RTRAF: variants seen among roughly 807,000 people sequenced by gnomAD.
RTRAF encodes the protein RNA transcription, translation and transport factor.
RTRAF carries 14 observed loss-of-function variants against 34.4 expected under a neutral mutation model. The ratio of observed to expected loss-of-function variants is 0.41; its 90% CI spans 0.27 to 0.64. The LOEUF is 0.64. RTRAF is among the 30% of genes least tolerant of loss of function. The pLI, the probability that RTRAF is intolerant of heterozygous loss-of-function variation, is 0.34. For missense variants in RTRAF, 291 were observed against 288.4 expected (o/e 1.01, Z -0.06); for synonymous variants, 96 against 95.3 (o/e 1.01, Z -0.04).
rs1397554954 is a variant in RTRAF at position 52,004,594 on chromosome 14, T to TGTCA, written c.*79_*82dup. 7.1e-7 allele frequency: 1 copy of TGTCA among 1,405,420 alleles called. No homozygotes were observed. Among genetic ancestry groups the TGTCA allele is most frequent in the African/African-American group, 1.5e-5 (1 of 68,410 alleles). 87.1% of individuals were successfully genotyped at this position (1,405,420 alleles called of 1,614,324 possible). A position where few individuals can be genotyped will look rare whatever the true frequency, so the allele number is the denominator to read the frequency against. On this transcript the variant is annotated 3_prime_UTR_variant, in exon 8 of 8. Transcript: ENST00000261700. ...CTTCTGGCATGTTTGGAAATCAAAA[T>TGTCA]GTCACATTCTCGGGGGAGGAAGCCC...
chr14:52,002,578 A>G (rs1207647999), intron 6 of RTRAF, among the ~76,000 whole-genome samples: 2 of 152,216 alleles, frequency 1.3e-5, no homozygotes, highest in Non-Finnish European at 2.9e-5. Context: ...CCTTCCCCTT[A>G]AAGAGAAAAT....
At chr14:51,999,674 T>TTG (rs1328193153) in intron 4 of RTRAF, 34 bp from the exon 5 acceptor site, 1 of 1,399,356 alleles carries the variant, frequency 7.1e-7, no homozygotes, top group Non-Finnish European at 1.0e-6. Flanking sequence ...GTTTGCAGGG[T>TTG]TGTAAGTTTT....
chr14:51,995,072 G>T (rs1354341312), intron 3 of RTRAF, among the ~76,000 whole-genome samples: 1 of 151,728 alleles, frequency 6.6e-6, no homozygotes, highest in African/African-American at 2.4e-5. Context: ...TTTCCATTTT[G>T]CTTCTATGTC....
At chr14:52,003,589 G>C (rs1301226816) in intron 6 of RTRAF, among the ~76,000 whole-genome samples, 1 of 152,174 alleles carries the variant, frequency 6.6e-6, no homozygotes, top group African/African-American at 2.4e-5. Context: ...TTTCTGTGAA[G>C]TTTGGCATCA....
chr14:51,996,473 A>G (rs993022240), intron 3 of RTRAF, among the ~76,000 whole-genome samples: 2 of 152,100 alleles, frequency 1.3e-5, no homozygotes, highest in African/African-American at 2.4e-5. Flanking sequence ...TAGCTTGTCA[A>G]CATGATCAAT....
At position 52,005,512 on chromosome 14, in the gene RTRAF, A is replaced by C. The variant is rs1293983273; in HGVS notation, c.*996A>C. Reference sequence around the variant, plus strand: ...TACTTTCTTCCTGTGAGAGAAGAGCAGGGGTGGGACAGGGTGGTGGGTGAG... The same window carrying C: ...TACTTTCTTCCTGTGAGAGAAGAGCCGGGGTGGGACAGGGTGGTGGGTGAG... On this transcript the variant is annotated 3_prime_UTR_variant, in exon 8 of 8. Coordinates refer to ENST00000261700, the MANE Select transcript of RTRAF (RefSeq NM_016039.3). 2 of 1,596,884 alleles carry C rather than the reference A, an allele frequency of 1.3e-6. No homozygotes were observed. The highest frequency in any genetic ancestry group is 2.3e-5 in the South Asian group (2 of 87,788).
At position 52,005,494 on chromosome 14, in the gene RTRAF, T is replaced by TC. The variant is rs1890735779; in HGVS notation, c.*978_*979insC. ...CCTTTACATTACTGTACTTACTTTC[T>TC]TCCTGTGAGAGAAGAGCAGGGGTGG... On this transcript the variant is annotated 3_prime_UTR_variant, in exon 8 of 8. Coordinates refer to ENST00000261700, the MANE Select transcript of RTRAF (RefSeq NM_016039.3). 1 of 1,598,692 alleles carries TC rather than the reference T, an allele frequency of 6.3e-7. No homozygotes were observed. The highest frequency in any genetic ancestry group is 1.4e-5 in the African/African-American group (1 of 74,070).
chr14:51,989,636 G>C lies in RTRAF; in HGVS notation c.-4G>C, dbSNP rs1391160872. The C allele has an allele frequency of 2.5e-6, 4 of 1,602,854 alleles. No homozygotes were observed. Among genetic ancestry groups the C allele is most frequent in the African/African-American group, 1.3e-5 (1 of 74,404 alleles). The stretch of plus-strand genomic sequence containing the variant: ...CCGGGGGACCAGAGCGAGAAGCGGG[G>C]ACCATGTTCCGACGCAAGTTGACGG... On this transcript the variant is annotated 5_prime_UTR_variant, in exon 1 of 8. Coordinates refer to ENST00000261700, the MANE Select transcript of RTRAF (RefSeq NM_016039.3).
intron 6 of RTRAF, among the ~76,000 whole-genome samples, chr14:52,002,470 G>A (rs1890615906): frequency 6.6e-6 from 1 of 152,164 alleles, no homozygotes; most frequent in Admixed American, 6.5e-5. Context: ...TGAAGGGACA[G>A]GGGGTTCTGT....
rs1377678729 is a variant in RTRAF, at chr14:52,007,983, C to G, written c.*3467C>G. 1.4e-5 allele frequency: 23 copies of G among 1,590,330 alleles called. No homozygotes were observed. Among genetic ancestry groups the G allele is most frequent in the Admixed American group, 1.9e-5 (1 of 53,970 alleles). On this transcript the variant is annotated 3_prime_UTR_variant, in exon 8 of 8. Transcript: ENST00000261700. ...GTACAAGTTGCTGTAAGTTAAAAAT[C>G]AAGATTGTAAAAGAATAGCCATGTA... is the stretch of plus-strand genomic sequence containing the variant.
intron 3 of RTRAF, among the ~76,000 whole-genome samples, chr14:51,994,816 A>G (rs932191406): frequency 6.6e-6 from 1 of 152,152 alleles, no homozygotes; most frequent in Non-Finnish European, 1.5e-5. Flanking sequence ...TCCAACCTGT[A>G]TTCACATCTT....
chr14:51,989,735 T>G, intron 1 of RTRAF, 35 bp downstream of exon 1: 2 of 1,573,122 alleles, frequency 1.3e-6, no homozygotes, highest in Non-Finnish European at 1.7e-6. Flanking sequence ...CGCGTGTCCC[T>G]GACCTGGGCG....
rs1890785851 is a variant in RTRAF, at chr14:52,006,450, G to A, written c.*1934G>A. ...AGCCTCAGAGGGCTTAATGAGTCAA[G>A]TCAGGTACTGACTTTTGGTAAAACA... On this transcript the variant is annotated 3_prime_UTR_variant, in exon 8 of 8. Transcript: ENST00000261700. 2.0e-6 allele frequency: 3 copies of A among 1,518,886 alleles called. No homozygotes were observed. Among genetic ancestry groups the A allele is most frequent in the Non-Finnish European group, 1.8e-6 (2 of 1,109,680 alleles). The allele number at this position is 1,518,886 out of a possible 1,614,324, so 94.1% of individuals were successfully genotyped here. A position where few individuals can be genotyped will look rare whatever the true frequency, so the allele number is the denominator to read the frequency against.
chr14:51,996,807 G>A (rs61971506), intron 3 of RTRAF, among the ~76,000 whole-genome samples: 15,167 of 151,816 alleles, frequency 0.1, 944 homozygotes, highest in East Asian at 0.15. Flanking sequence ...CACTTCTCTC[G>A]AAAGAAAAAA....
chr14:52,009,275 C>T lies in RTRAF; in HGVS notation c.*4759C>T, dbSNP rs1169615015. 1 of 152,162 alleles carries T rather than the reference C, an allele frequency of 6.6e-6. No individual in the cohort carries two copies. The highest frequency in any genetic ancestry group is 1.5e-5 in the Non-Finnish European group (1 of 68,034). The allele number at this position is 152,162 out of a possible 1,614,324, so 9.4% of individuals were successfully genotyped here. Reference sequence around the variant, plus strand: ...CATTGCTTCATCGCTTCTGATCAGTCTCCTCCCCAAAATGATTTAATATCA... The same window carrying T: ...CATTGCTTCATCGCTTCTGATCAGTTTCCTCCCCAAAATGATTTAATATCA... On this transcript the variant is annotated 3_prime_UTR_variant, in exon 8 of 8. Coordinates refer to ENST00000261700, the MANE Select transcript of RTRAF (RefSeq NM_016039.3).
chr14:52,001,645 G>GT (rs779354510), intron 5 of RTRAF, among the ~76,000 whole-genome samples, 153 bp from the exon 6 acceptor site: 2 of 151,946 alleles, frequency 1.3e-5, no homozygotes, highest in East Asian at 1.9e-4. Flanking sequence ...ATATTAGTGG[G>GT]TTTTTTTTAT....
Position 52,007,714 on chromosome 14 carries a change from T to C in RTRAF, c.*3198T>C. ...AAGTTTACAGACCAAAGAAAGGAGA[T>C]CTAAGTGATGGGATTTCATTTTGTA... On this transcript the variant is annotated 3_prime_UTR_variant, in exon 8 of 8. Coordinates refer to ENST00000261700, the MANE Select transcript of RTRAF (RefSeq NM_016039.3). 9.1e-7 allele frequency: 1 copy of C among 1,095,172 alleles called. No individual in the cohort carries two copies. 67.8% of individuals were successfully genotyped at this position (1,095,172 alleles called of 1,614,324 possible).
intron 3 of RTRAF, among the ~76,000 whole-genome samples, chr14:51,994,774 C>G (rs1156259179): frequency 1.3e-5 from 2 of 152,112 alleles, no homozygotes; most frequent in Non-Finnish European, 2.9e-5. Context: ...GAATTTTAAG[C>G]TCCTTAGCAT....
rs1025116913 is a variant in RTRAF at position 52,006,618 on chromosome 14, C to T, written c.*2102C>T. On this transcript the variant is annotated 3_prime_UTR_variant, in exon 8 of 8. Transcript: ENST00000261700. ...CTTGAGGTTGTTTTGAATGACACGCCGTCCAGTTCCATCAGGTAGTGTACA... is the reference window on the plus strand; with the variant it reads ...CTTGAGGTTGTTTTGAATGACACGCTGTCCAGTTCCATCAGGTAGTGTACA... The T allele has an allele frequency of 7.4e-6, 12 of 1,613,724 alleles. No homozygotes were observed. Among genetic ancestry groups the T allele is most frequent in the Non-Finnish European group, 9.3e-6 (11 of 1,179,782 alleles).
Sources: gnomAD v4.1 joint callset for allele counts (sites outside exome capture counted in the v4.1 genomes callset) on GRCh38, gnomAD v4.1.1 for gene constraint, MANE v1.5 for transcripts, NCBI Gene and HGNC (gene_info 2026-07-23, HGNC 2026-07-21) for gene names.